The following PACS2 variants were observed in gnomAD, a reference collection of about 807,000 sequenced individuals.
PACS2 encodes the protein PACS1-like protein.
In PACS2, 36 loss-of-function variants were observed where a neutral mutation model predicts 113.0. The ratio of observed to expected loss-of-function variants is 0.32; its 90% CI spans 0.24 to 0.42. The LOEUF (loss-of-function observed/expected upper bound fraction) is 0.42, where lower values mean the gene tolerates loss of function less well. Among genes scored for constraint, PACS2 ranks in the 10% least tolerant of loss-of-function variants. PACS2 has a pLI of 1.00. For synonymous variants in PACS2, 589 were observed against 536.1 expected, an observed-to-expected ratio of 1.10 and a Z score of -1.36; for missense variants, 1,015 against 1,239.5, an observed-to-expected ratio of 0.82 and a Z score of 2.72.
chr14:105,384,441 C>T lies in PACS2; in HGVS notation c.1869C>T (p.Asn623=). Residue 623 remains asparagine (N), a synonymous_variant, in exon 17 of 25, where the codon AAC becomes AAT. Coordinates refer to ENST00000447393, the MANE Select transcript of PACS2 (RefSeq NM_001100913.3). The part of the protein sequence containing the change: ...FQDLAWRDLF[N]KLEAQSAVQD... ...ACCTGGCCTGGAGAGACCTGTTCAACAAGCTGGAGGCCCAGAGTGCGGGTG... is the reference window on the plus strand; with the variant it reads ...ACCTGGCCTGGAGAGACCTGTTCAATAAGCTGGAGGCCCAGAGTGCGGGTG... 6.2e-7 allele frequency: 1 copy of T among 1,611,514 alleles called. No homozygotes were observed. The highest frequency in any genetic ancestry group is 8.5e-7 in the Non-Finnish European group (1 of 1,179,148).
upstream of PACS2, among the ~76,000 whole-genome samples, chr14:105,312,847 C>T (rs2058381873): frequency 6.6e-6 from 1 of 152,218 alleles, no homozygotes. Flanking sequence ...GTTTCGTGTC[C>T]CTGCTTTCCT....
At chr14:105,385,820 G>A (rs932119011) in intron 19 of PACS2, 103 bp downstream of exon 19, 49 of 666,522 alleles carry the variant, frequency 7.4e-5, no homozygotes, top group African/African-American at 1.8e-4. Flanking sequence ...TCCTCTCTCC[G>A]GACTGGGAGT....
In PACS2 at chr14:105,394,882, C is replaced by T. The variant is rs2081491208; in HGVS notation, c.*210C>T. The stretch of plus-strand genomic sequence containing the variant: ...CTGCTTATTAACCCGAACGTTCGGC[C>T]CGGGGCTGGGAAGCCAGAAGGACGA... On this transcript the variant is annotated 3_prime_UTR_variant, in exon 25 of 25. Transcript: ENST00000447393. The T allele has an allele frequency of 1.8e-6, 1 of 544,916 alleles. No homozygotes were observed. 33.8% of individuals were successfully genotyped at this position (544,916 alleles called of 1,614,324 possible).
chr14:105,385,293 C>G (rs1330929535), intron 18 of PACS2, among the ~76,000 whole-genome samples: 1 of 152,250 alleles, frequency 6.6e-6, no homozygotes, highest in Non-Finnish European at 1.5e-5. Flanking sequence ...CCCAGCCCCT[C>G]CAGTCTGGGC....
At position 105,376,694 on chromosome 14, in the gene PACS2, T is replaced by G; in HGVS notation, c.802-74T>G. Reference sequence around the variant, plus strand: ...CGCCTCCTATTGCTCCTGCAGACTCTGGGGTCTCGGGCGCCCCCAGTGGGG... The same window carrying G: ...CGCCTCCTATTGCTCCTGCAGACTCGGGGGTCTCGGGCGCCCCCAGTGGGG... On this transcript the variant is annotated intron_variant, in intron 8 of 24. Transcript: ENST00000447393. This position sits in a 1 kb window ranked among gnomAD's most constrained non-coding sequence, Gnocchi z 4.7. The G allele has an allele frequency of 6.8e-7, 1 of 1,473,698 alleles. No homozygotes were observed. The highest frequency in any genetic ancestry group is 9.3e-7 in the Non-Finnish European group (1 of 1,071,872). The allele number at this position is 1,473,698 out of a possible 1,614,324, so 91.3% of individuals were successfully genotyped here. A position where few individuals can be genotyped will look rare whatever the true frequency, so the allele number is the denominator to read the frequency against.
intron 24 of PACS2, 156 bp from the exon 25 acceptor site, chr14:105,394,398 C>T: frequency 1.0e-6 from 1 of 985,340 alleles, no homozygotes; most frequent in Non-Finnish European, 1.2e-6. Context: ...CCTGGAGCCC[C>T]CGAGTCCCTG....
intron 4 of PACS2, among the ~76,000 whole-genome samples, chr14:105,361,930 C>A (rs1555406569): frequency 6.6e-6 from 1 of 151,968 alleles, no homozygotes; most frequent in African/African-American, 2.4e-5. Flanking sequence ...GCCTGGGCGC[C>A]AAGAGTGAGA....
intron 2 of PACS2, among the ~76,000 whole-genome samples, chr14:105,350,422 T>C (rs1555403698): frequency 6.6e-6 from 1 of 152,188 alleles, no homozygotes; most frequent in African/African-American, 2.4e-5. Flanking sequence ...TCTCTGGTCC[T>C]GCCCCAGCCT....
At chr14:105,382,084 C>A in intron 13 of PACS2, 26 bp downstream of exon 13, 1 of 1,538,416 alleles carries the variant, frequency 6.5e-7, no homozygotes, top group Non-Finnish European at 8.8e-7. Context: ...GTGGCACGCC[C>A]AGGAGGCAGG....
chr14:105,385,263 TGG>T (rs1294118926), intron 18 of PACS2, among the ~76,000 whole-genome samples: 1 of 152,230 alleles, frequency 6.6e-6, no homozygotes, highest in African/African-American at 2.4e-5. Flanking sequence ...ATAGCTGTCA[TGG>T]GGCCAGGGTG....
At chr14:105,384,552 C>T in intron 17 of PACS2, 89 bp downstream of exon 17, 1 of 787,880 alleles carries the variant, frequency 1.3e-6, no homozygotes, top group Non-Finnish European at 2.1e-6. Flanking sequence ...GGCCCTGCAC[C>T]TGCTCAGGCT....
At chr14:105,361,051 C>T (rs1205015769) in intron 4 of PACS2, among the ~76,000 whole-genome samples, 1 of 152,240 alleles carries the variant, frequency 6.6e-6, no homozygotes, top group African/African-American at 2.4e-5. Context: ...TTGCTATTTC[C>T]ACCACATGTG....
intron 9 of PACS2, among the ~76,000 whole-genome samples, chr14:105,377,910 A>G (rs914774846): frequency 2.0e-5 from 3 of 152,202 alleles, no homozygotes; most frequent in Admixed American, 6.5e-5. Flanking sequence ...CTCCGAGGTC[A>G]TGCAGTGCAG....
upstream of PACS2, among the ~76,000 whole-genome samples, chr14:105,310,084 A>T (rs1418942304): frequency 1.3e-5 from 2 of 151,296 alleles, no homozygotes; most frequent in East Asian, 3.9e-4. Flanking sequence ...GCACCCAGCC[A>T]TGTGCATCTT....
intron 10 of PACS2, 87 bp from the exon 11 acceptor site, chr14:105,379,993 C>T: frequency 1.4e-6 from 2 of 1,393,222 alleles, no homozygotes; most frequent in East Asian, 2.5e-5. Flanking sequence ...CCCCGGGCCT[C>T]CCTGAGTCCC....
intron 24 of PACS2, 51 bp from the exon 25 acceptor site, chr14:105,394,503 G>A: frequency 6.2e-7 from 1 of 1,603,766 alleles, no homozygotes; most frequent in Non-Finnish European, 8.5e-7. Context: ...AGGTGGATAG[G>A]GTGGGCAGGC....
chr14:105,330,226 C>T lies in PACS2; in HGVS notation c.119+15189C>T, dbSNP rs187220193. Among the ~76,000 whole-genome samples, 5 of 61,070 alleles carry T rather than the reference C, an allele frequency of 8.2e-5. No individual in the cohort carries two copies. Among genetic ancestry groups the T allele is most frequent in the South Asian group, 5.7e-4 (1 of 1,768 alleles). 40.1% of individuals were successfully genotyped at this position (61,070 alleles called of 152,430 possible). ...AGAAGCCTGGGGTCCGTGTGTGGGA[C>T]GGAACGGGGACAGGGAGCCTCCGAG... On this transcript the variant is annotated intron_variant, in intron 1 of 24. Transcript: ENST00000447393. The surrounding 1 kb of genome is among the most constrained non-coding windows in gnomAD (Gnocchi z 6.9).
In PACS2 at chr14:105,382,797, C is replaced by G. The variant is rs2081039195; in HGVS notation, c.1519-10C>G. 6.4e-7 allele frequency: 1 copy of G among 1,560,564 alleles called. No individual in the cohort carries two copies. The highest frequency in any genetic ancestry group is 1.4e-5 in the African/African-American group (1 of 74,016). ...TGTGCCGAAGTCAGCGTCTGCCTGT[C>G]TTCTGCCAGTTCCTCTCCGACGTCC... On this transcript the variant is annotated splice_polypyrimidine_tract_variant and intron_variant, in intron 14 of 24. Coordinates refer to ENST00000447393, the MANE Select transcript of PACS2 (RefSeq NM_001100913.3).
At chr14:105,389,893 G>GGGAGCTGTGCCCACCAGGC in intron 19 of PACS2, 68 bp from the exon 20 acceptor site, 2 of 1,422,476 alleles carry the variant, frequency 1.4e-6, no homozygotes, top group Non-Finnish European at 2.0e-6. Flanking sequence ...CAGGCCAAGA[G>GGGAGCTGTGCCCACCAGGC]GGAGCTGTGC....
Sources: allele counts gnomAD v4.1 joint callset (sites outside exome capture counted in the v4.1 genomes callset), GRCh38; gene constraint gnomAD v4.1.1; non-coding constraint Gnocchi (gnomAD v3.1); transcripts MANE v1.5; gene names NCBI Gene and HGNC (gene_info 2026-07-23, HGNC 2026-07-21).